The following SEMA3A variants were observed in gnomAD, a reference collection of about 807,000 sequenced individuals.
SEMA3A encodes the protein semaphorin-3A.
Under a neutral mutation model 97.9 loss-of-function variants are expected in SEMA3A, and 29 were observed. The observed-to-expected ratio is 0.30, with a 90% CI of 0.22 to 0.40. SEMA3A has a LOEUF of 0.40. Among genes scored for constraint, SEMA3A ranks in the 10% least tolerant of loss-of-function variants. SEMA3A has a pLI of 1.00. For missense variants in SEMA3A, 763 were observed against 951.3 expected (o/e 0.80, Z 2.60); for synonymous variants, 321 against 323.7 (o/e 0.99, Z 0.09).
At chr7:84,409,307 A>T (rs1804197188) in intron 1 of SEMA3A, among the ~76,000 whole-genome samples, 1 of 151,656 alleles carries the variant, frequency 6.6e-6, no homozygotes, top group Non-Finnish European at 1.5e-5. Context: ...TACCCCATAA[A>T]TATATACAAC....
At chr7:84,324,944 C>G (rs1048374431) in intron 2 of SEMA3A, among the ~76,000 whole-genome samples, 2 of 152,018 alleles carry the variant, frequency 1.3e-5, no homozygotes, top group African/African-American at 4.8e-5. Flanking sequence ...GCAATCCACT[C>G]CATCCGTCAA....
intron 1 of SEMA3A, among the ~76,000 whole-genome samples, chr7:84,388,317 T>A (rs1803452741): frequency 6.6e-6 from 1 of 152,116 alleles, no homozygotes; most frequent in South Asian, 2.1e-4. Context: ...CATAACCTTT[T>A]ATACTTCTTT....
chr7:84,242,423 CTT>C lies in SEMA3A; in HGVS notation c.-82-47757_-82-47756del, dbSNP rs1799385550. On this transcript the variant is annotated intron_variant, in intron 3 of 3. Transcript: ENST00000424555. ...ATGGGAGTTCACTCATGATTTGACT[CTT>C]CGTCTATTATTGGTATAGGAATGCT... 2.0e-5 allele frequency among the ~76,000 whole-genome samples: 3 copies of C among 152,104 alleles called. No homozygotes were observed. In the South Asian group the frequency reaches 6.2e-4, roughly 32 times the overall value.
chr7:84,405,026 T>C (rs2905619), intron 1 of SEMA3A, among the ~76,000 whole-genome samples: 1 of 151,750 alleles, frequency 6.6e-6, no homozygotes, highest in Non-Finnish European at 1.5e-5. Flanking sequence ...AATGACAGGA[T>C]CAAATTCACA....
At chr7:84,418,240 A>C (rs913087690) in intron 1 of SEMA3A, among the ~76,000 whole-genome samples, 3 of 152,100 alleles carry the variant, frequency 2.0e-5, no homozygotes, top group Non-Finnish European at 4.4e-5. Flanking sequence ...ACACAGTTCC[A>C]CCTGACTGGA....
intron 12 of SEMA3A, among the ~76,000 whole-genome samples, chr7:83,993,728 T>C (rs377329758): frequency 0.092 from 9,474 of 103,030 alleles, 687 homozygotes; most frequent in Non-Finnish European, 0.13. Flanking sequence ...ACCCGACCTT[T>C]CTCTCTGGCT....
At position 84,060,482 on chromosome 7, in the gene SEMA3A, G is replaced by A; in HGVS notation, c.530C>T (p.Thr177Ile). The change falls in exon 5 of 17, where the codon ACA (threonine) becomes ATA (isoleucine). Residue 177 changes from threonine to isoleucine, a missense_variant. Thr to Ile is a moderately conservative substitution (Grantham distance 89). Transcript: ENST00000265362. The part of the protein sequence containing the change: ...GKSPYDPKLL[T>I]ASLLIDGELY... ...CTACGCACCTATTAAAAGGGATGCT[G>A]TCAGCAGCTTAGGGTCATATGGACT... The A allele has an allele frequency of 3.8e-6, 6 of 1,585,962 alleles. No homozygotes were observed. Among genetic ancestry groups the A allele is most frequent in the Non-Finnish European group, 5.1e-6 (6 of 1,170,176 alleles).
intron 1 of SEMA3A, among the ~76,000 whole-genome samples, chr7:84,414,050 A>G (rs1804356982): frequency 6.6e-6 from 1 of 152,096 alleles, no homozygotes; most frequent in South Asian, 2.1e-4. Context: ...TACTCTATTA[A>G]CTGATACTTT....
intron 2 of SEMA3A, among the ~76,000 whole-genome samples, chr7:84,367,924 T>C (rs1802890870): frequency 6.6e-6 from 1 of 151,262 alleles, no homozygotes; most frequent in African/African-American, 2.4e-5. Flanking sequence ...TAAAATATTG[T>C]ACCTTCTGAT....
At chr7:84,112,665 T>C (rs1405993063) in intron 3 of SEMA3A, among the ~76,000 whole-genome samples, 1 of 152,182 alleles carries the variant, frequency 6.6e-6, no homozygotes, top group African/African-American at 2.4e-5. Flanking sequence ...GACTAGCAAT[T>C]TATAGTGACT....
intron 3 of SEMA3A, among the ~76,000 whole-genome samples, chr7:84,294,544 A>G (rs1361217091): frequency 6.6e-6 from 1 of 152,190 alleles, no homozygotes; most frequent in African/African-American, 2.4e-5. Context: ...CTAAATGAAG[A>G]CTGAGAAGTG....
intron 3 of SEMA3A, 109 bp from the exon 4 acceptor site, chr7:84,110,698 T>TC (rs1795254643): frequency 1.5e-6 from 2 of 1,299,396 alleles, no homozygotes; most frequent in Non-Finnish European, 2.1e-6. Flanking sequence ...TCTTTCTTTT[T>TC]TTTTTTTTGG....
chr7:84,308,630 T>C (rs1801227835), intron 2 of SEMA3A, among the ~76,000 whole-genome samples: 1 of 152,086 alleles, frequency 6.6e-6, no homozygotes, highest in South Asian at 2.1e-4. Flanking sequence ...GGCCAGAGGT[T>C]GGTGGAAGAC....
chr7:84,129,289 G>A, intron 2 of SEMA3A, 104 bp from the exon 3 acceptor site: 2 of 913,826 alleles, frequency 2.2e-6, no homozygotes, highest in Non-Finnish European at 3.5e-6. Context: ...AGTAAAGAAA[G>A]TTCCATAAAG....
chr7:84,353,307 C>A (rs1045692931), intron 2 of SEMA3A, among the ~76,000 whole-genome samples: 21 of 151,128 alleles, frequency 1.4e-4, no homozygotes, highest in Admixed American at 7.3e-4. Context: ...ACTGTACTCT[C>A]TTTATATATT....
rs141733837 is a variant in SEMA3A at position 84,003,328 on chromosome 7, T to C, written c.1361-1282A>G. On this transcript the variant is annotated intron_variant, in intron 11 of 16. Transcript: ENST00000265362. ...TCAGTGCTTCTGATCATGTCTCCGG[T>C]ACCCAAACACAACTTTATCTCTTTT... Among the ~76,000 whole-genome samples the C allele has an allele frequency of 2.4e-3, 361 of 152,238 alleles. 1 individual carries two copies. The highest frequency in any genetic ancestry group is 4.3e-3 in the Non-Finnish European group (293 of 67,972).
chr7:83,986,667 T>A (rs34661737), intron 12 of SEMA3A, among the ~76,000 whole-genome samples: 59,233 of 151,888 alleles, frequency 0.39, 12,079 homozygotes, highest in Middle Eastern at 0.49. Context: ...GGTGGAACGA[T>A]GGATCTTAAA....
intron 3 of SEMA3A, among the ~76,000 whole-genome samples, chr7:84,216,989 G>A (rs1037910856): frequency 1.5e-4 from 23 of 152,264 alleles, no homozygotes; most frequent in South Asian, 1.0e-3. Context: ...GCGGATATGC[G>A]ATTCATGTTA....
At chr7:84,099,639 G>T (rs1015671924) in intron 4 of SEMA3A, among the ~76,000 whole-genome samples, 1 of 152,070 alleles carries the variant, frequency 6.6e-6, no homozygotes. Flanking sequence ...ATTCACAAAA[G>T]AATCATAAAC....
Sources: allele counts gnomAD v4.1 joint callset (sites outside exome capture counted in the v4.1 genomes callset), GRCh38; gene constraint gnomAD v4.1.1; transcripts MANE v1.5; gene names NCBI Gene and HGNC (gene_info 2026-07-23, HGNC 2026-07-21).